ZNF407: variants seen among roughly 807,000 people sequenced by gnomAD.
ZNF407 encodes the protein zinc finger protein 407.
ZNF407 carries 17 observed loss-of-function variants against 131.2 expected under a neutral mutation model. The observed-to-expected ratio is 0.13, with a 90% CI of 0.09 to 0.19. The LOEUF is 0.19. ZNF407 is among the 10% of genes least tolerant of loss of function. ZNF407 has a pLI of 1.00. For synonymous variants in ZNF407, 1,156 were observed against 1,062.0 expected (o/e 1.09, Z -1.72); for missense variants, 2,681 against 2,830.6 (o/e 0.95, Z 1.20).
At chr18:74,816,508 T>C (rs537364523) in intron 4 of ZNF407, among the ~76,000 whole-genome samples, 7 of 152,340 alleles carry the variant, frequency 4.6e-5, no homozygotes, top group African/African-American at 1.7e-4. Context: ...CCTTTCTGAA[T>C]GTTTATGGCT....
At chr18:74,675,558 A>G (rs528852620) in intron 3 of ZNF407, among the ~76,000 whole-genome samples, 1 of 152,368 alleles carries the variant, frequency 6.6e-6, no homozygotes, top group East Asian at 1.9e-4. Context: ...TATAAAGCAG[A>G]GTATTGTAAG....
chr18:74,737,226 TAAGC>T (rs1968438486), intron 3 of ZNF407, among the ~76,000 whole-genome samples: 1 of 152,208 alleles, frequency 6.6e-6, no homozygotes, highest in South Asian at 2.1e-4. Context: ...GAAGTTTTGT[TAAGC>T]AAGATAATGA....
intron 3 of ZNF407, among the ~76,000 whole-genome samples, chr18:74,759,800 T>C (rs1305500881): frequency 6.6e-6 from 1 of 151,538 alleles, no homozygotes; most frequent in African/African-American, 2.4e-5. Flanking sequence ...CTTACTTATA[T>C]TTTCCTTTTT....
At chr18:74,626,458 A>G (rs1370755597) in intron 1 of ZNF407, among the ~76,000 whole-genome samples, 1 of 152,208 alleles carries the variant, frequency 6.6e-6, no homozygotes, top group Non-Finnish European at 1.5e-5. Flanking sequence ...TGTACACATG[A>G]TCACGTATGG....
intron 4 of ZNF407, among the ~76,000 whole-genome samples, chr18:74,874,021 C>G (rs937242855): frequency 6.6e-6 from 1 of 152,090 alleles, no homozygotes; most frequent in Non-Finnish European, 1.5e-5. Flanking sequence ...TCTAGTGAAG[C>G]CCAAGGAAAG....
At chr18:74,718,886 G>A (rs563032067) in intron 3 of ZNF407, among the ~76,000 whole-genome samples, 3 of 151,912 alleles carry the variant, frequency 2.0e-5, no homozygotes, top group African/African-American at 7.3e-5. Context: ...TTAATTTGCT[G>A]TTCCATTTTA....
chr18:74,852,213 G>C, intron 4 of ZNF407, among the ~76,000 whole-genome samples: 1 of 151,738 alleles, frequency 6.6e-6, no homozygotes, highest in South Asian at 2.1e-4. Context: ...GCACGCACGC[G>C]CACGCGCGCG....
intron 3 of ZNF407, among the ~76,000 whole-genome samples, chr18:74,772,860 T>C (rs1969390718): frequency 6.6e-6 from 1 of 152,110 alleles, no homozygotes; most frequent in Non-Finnish European, 1.5e-5. Context: ...TTGAACTAGT[T>C]CATTTAAAAT....
chr18:74,865,132 G>T (rs1170901474), intron 4 of ZNF407, among the ~76,000 whole-genome samples: 1 of 152,146 alleles, frequency 6.6e-6, no homozygotes, highest in Non-Finnish European at 1.5e-5. Flanking sequence ...TTAGGCACCT[G>T]GCCAGGTACT....
chr18:74,792,507 C>A (rs1162306630), intron 4 of ZNF407, among the ~76,000 whole-genome samples: 5 of 149,372 alleles, frequency 3.3e-5, no homozygotes, highest in Non-Finnish European at 7.4e-5. Flanking sequence ...GATAACAAGT[C>A]TTCTAAAATT....
intron 8 of ZNF407, among the ~76,000 whole-genome samples, chr18:74,952,683 G>A (rs997596395): frequency 1.3e-5 from 2 of 152,154 alleles, no homozygotes; most frequent in African/African-American, 4.8e-5. Flanking sequence ...GTTTTATTGA[G>A]GCATAATTAA....
chr18:74,697,771 A>G (rs1029295448), intron 3 of ZNF407, among the ~76,000 whole-genome samples: 1 of 152,192 alleles, frequency 6.6e-6, no homozygotes, highest in African/African-American at 2.4e-5. Context: ...ACCAGCAATT[A>G]ATACACTACA....
At chr18:74,785,927 CGATGTCACTCACATGGCACACAT>C (rs1969702356) in intron 4 of ZNF407, among the ~76,000 whole-genome samples, 1 of 151,754 alleles carries the variant, frequency 6.6e-6, no homozygotes, top group South Asian at 2.1e-4. Context: ...ATGGCACACA[CGATGTCACTCACATGGCACACAT>C]GATGTGTGCA....
At chr18:74,874,723 T>G (rs973135372) in intron 4 of ZNF407, among the ~76,000 whole-genome samples, 2 of 149,646 alleles carry the variant, frequency 1.3e-5, no homozygotes, top group Non-Finnish European at 3.0e-5. Flanking sequence ...GCTCTTCTTT[T>G]AAATTTATAA....
intron 3 of ZNF407, among the ~76,000 whole-genome samples, chr18:74,754,296 C>A (rs1463830040): frequency 6.6e-6 from 1 of 152,090 alleles, no homozygotes; most frequent in Non-Finnish European, 1.5e-5. Flanking sequence ...TTCAAAAAAC[C>A]AGTTCCTGGA....
chr18:75,062,335 C>A (rs1391520901), intron 8 of ZNF407: 1 of 152,234 alleles, frequency 6.6e-6, no homozygotes. Context: ...GTTCGGCAAA[C>A]ACATCTTTGT....
chr18:74,719,494 G>A (rs1400745516), intron 3 of ZNF407, among the ~76,000 whole-genome samples: 1 of 152,160 alleles, frequency 6.6e-6, no homozygotes, highest in Admixed American at 6.5e-5. Flanking sequence ...CCGCCTCCCG[G>A]GTTCACGCCA....
intron 1 of ZNF407, among the ~76,000 whole-genome samples, chr18:74,607,314 C>T (rs934827140): frequency 6.6e-6 from 1 of 152,176 alleles, no homozygotes; most frequent in African/African-American, 2.4e-5. Context: ...ACTTCTGTAG[C>T]CTCAGCATCA....
At chr18:74,852,393 A>G (rs1970802340) in intron 4 of ZNF407, among the ~76,000 whole-genome samples, 2 of 152,186 alleles carry the variant, frequency 1.3e-5, no homozygotes, top group South Asian at 2.1e-4. Flanking sequence ...CAAATTGACA[A>G]CTAGCTGTAT....
Sources: allele counts gnomAD v4.1 joint callset (sites outside exome capture counted in the v4.1 genomes callset), GRCh38; gene constraint gnomAD v4.1.1; transcripts MANE v1.5; gene names NCBI Gene and HGNC (gene_info 2026-07-23, HGNC 2026-07-21).